TMEM178A: variants seen among roughly 807,000 people sequenced by gnomAD.
TMEM178A encodes transmembrane protein 178.
TMEM178A carries 12 observed loss-of-function variants against 29.1 expected under a neutral mutation model. The ratio of observed to expected loss-of-function variants is 0.41; its 90% confidence interval spans 0.26 to 0.67. The LOEUF (loss-of-function observed/expected upper bound fraction) is 0.67. Among genes scored for constraint, TMEM178A ranks in the 30% least tolerant of loss-of-function variants. TMEM178A has a pLI of 0.29. For synonymous variants in TMEM178A, 210 were observed against 187.2 expected (o/e 1.12, Z -0.99); for missense variants, 366 against 419.1 (o/e 0.87, Z 1.11).
the TMEM178A span, among the ~76,000 whole-genome samples, chr2:39,729,726 A>T: frequency 6.6e-6 from 1 of 152,164 alleles, no homozygotes; most frequent in African/African-American, 2.4e-5. Context: ...AAACTATGCG[A>T]TGGAAGTCTT....
At chr2:39,674,901 T>C (rs536614586) in intron 1 of TMEM178A, among the ~76,000 whole-genome samples, 1 of 152,084 alleles carries the variant, frequency 6.6e-6, no homozygotes, top group African/African-American at 2.4e-5. Flanking sequence ...ACGCGTAGAA[T>C]AAAAAATTCA....
At chr2:39,732,293 G>C in the TMEM178A span, among the ~76,000 whole-genome samples, 7,834 of 152,182 alleles carry the variant, frequency 0.051, 690 homozygotes, top group African/African-American at 0.18. Flanking sequence ...TCTCCTTGGT[G>C]AACTGCTCAC....
At chr2:39,732,516 G>A in the TMEM178A span, among the ~76,000 whole-genome samples, 1 of 152,098 alleles carries the variant, frequency 6.6e-6, no homozygotes, top group Non-Finnish European at 1.5e-5. Flanking sequence ...CTTCAAGATG[G>A]GCAGCTTAGG....
chr2:39,732,439 C>T, the TMEM178A span, among the ~76,000 whole-genome samples: 3 of 152,088 alleles, frequency 2.0e-5, no homozygotes, highest in South Asian at 2.1e-4. Context: ...TGATATATAC[C>T]GCTCCCATCT....
intron 3 of TMEM178A, among the ~76,000 whole-genome samples, chr2:39,714,045 C>A (rs1023222971): frequency 7.9e-5 from 12 of 152,194 alleles, no homozygotes; most frequent in African/African-American, 2.2e-4. Context: ...ATTGTGGTGG[C>A]AGCTATGCAT....
chr2:39,685,530 T>C (rs1409490641), intron 1 of TMEM178A, among the ~76,000 whole-genome samples: 1 of 152,218 alleles, frequency 6.6e-6, no homozygotes, highest in Admixed American at 6.5e-5. Context: ...ATTCATTTTA[T>C]AGGTAGGATT....
intron 3 of TMEM178A, among the ~76,000 whole-genome samples, chr2:39,713,893 A>AT (rs755265376): frequency 1.3e-5 from 2 of 152,078 alleles, no homozygotes; most frequent in Non-Finnish European, 2.9e-5. Context: ...TGAATTTAGG[A>AT]TTTTTTGTTT....
intron 1 of TMEM178A, among the ~76,000 whole-genome samples, chr2:39,702,670 A>C (rs1671835623): frequency 6.6e-6 from 1 of 151,300 alleles, no homozygotes; most frequent in Non-Finnish European, 1.5e-5. Context: ...TTGAAAAAAC[A>C]AATTAAAAAA....
chr2:39,697,935 A>G (rs935719002), intron 1 of TMEM178A: 3 of 152,226 alleles, frequency 2.0e-5, no homozygotes, highest in African/African-American at 4.8e-5. Context: ...CTGAGAAAAT[A>G]GTTTCTCCCC....
Position 39,717,402 on chromosome 2 carries a change from C to T in TMEM178A, c.*151C>T. 3 of 1,144,742 alleles carry T rather than the reference C, an allele frequency of 2.6e-6. No individual in the cohort carries two copies. The highest frequency in any genetic ancestry group is 3.6e-6 in the Non-Finnish European group (3 of 834,138). The allele number at this position is 1,144,742 out of a possible 1,614,324, so 70.9% of individuals were successfully genotyped here. A position where few individuals can be genotyped will look rare whatever the true frequency, so the allele number is the denominator to read the frequency against. ...CTGATAGAAAATCATGCAAAACCTC[C>T]CAACCTTTCTAAGGACAAGACTACT... On this transcript the variant is annotated 3_prime_UTR_variant, in exon 4 of 4. Coordinates refer to ENST00000281961, the MANE Select transcript of TMEM178A (RefSeq NM_152390.3).
At chr2:39,691,983 TAAAAAAGAAGG>T (rs1352009626) in intron 1 of TMEM178A, among the ~76,000 whole-genome samples, 2 of 151,962 alleles carry the variant, frequency 1.3e-5, no homozygotes, top group Non-Finnish European at 2.9e-5. Context: ...AATTCAGCCT[TAAAAAAGAAGG>T]AAATGCTGTC....
chr2:39,734,637 TCTAG>T, the TMEM178A span, among the ~76,000 whole-genome samples: 1 of 152,250 alleles, frequency 6.6e-6, no homozygotes, highest in African/African-American at 2.4e-5. Flanking sequence ...TCTAAAACTG[TCTAG>T]CAAGCAAGTC....
chr2:39,681,192 T>C (rs867794003), intron 1 of TMEM178A, among the ~76,000 whole-genome samples: 4 of 152,234 alleles, frequency 2.6e-5, no homozygotes, highest in Non-Finnish European at 5.9e-5. Context: ...ATGATTATAA[T>C]GGCAGATCTG....
chr2:39,733,210 G>C, the TMEM178A span, among the ~76,000 whole-genome samples: 1 of 152,168 alleles, frequency 6.6e-6, no homozygotes, highest in African/African-American at 2.4e-5. Flanking sequence ...TCCAGCATCT[G>C]CTCCCACTTA....
downstream of TMEM178A, among the ~76,000 whole-genome samples, chr2:39,719,220 T>C (rs968215625): frequency 1.3e-5 from 2 of 152,248 alleles, no homozygotes; most frequent in African/African-American, 4.8e-5. Context: ...AGCTCTTTCT[T>C]TGAAGTCTTC....
In TMEM178A at chr2:39,707,443, C is replaced by T. The variant is rs571816416; in HGVS notation, c.652+257C>T. 1.0e-3 allele frequency among the ~76,000 whole-genome samples: 152 copies of T among 152,080 alleles called. 1 individual carries two copies. The highest frequency in any genetic ancestry group is 3.4e-3 in the African/African-American group (142 of 41,494). On this transcript the variant is annotated intron_variant, in intron 3 of 3. Coordinates refer to ENST00000281961, the MANE Select transcript of TMEM178A (RefSeq NM_152390.3). ...TCTTGGGTTTAATCTCTATATGAGC[C>T]CAGTCTGTTTTTTTGCTGTACTTTC...
At chr2:39,714,637 A>C (rs2540234) in intron 3 of TMEM178A, among the ~76,000 whole-genome samples, 12,523 of 152,254 alleles carry the variant, frequency 0.082, 943 homozygotes, top group African/African-American at 0.2. Context: ...AAAAGCACAA[A>C]CATCCATGAC....
chr2:39,722,537 T>C (rs1008356630), downstream of TMEM178A, among the ~76,000 whole-genome samples: 7 of 152,118 alleles, frequency 4.6e-5, no homozygotes, highest in African/African-American at 9.7e-5. Flanking sequence ...GACCTGAAGA[T>C]AGTATTCAGT....
At chr2:39,665,818 C>A (rs1435540967), upstream of TMEM178A, 6 of 649,338 alleles carry the variant, frequency 9.2e-6, 1 homozygote, top group South Asian at 1.3e-4. Flanking sequence ...GGAGAGGGAG[C>A]GAGCCGGGCC....
Sources: gnomAD v4.1 joint callset for allele counts (sites outside exome capture counted in the v4.1 genomes callset) on GRCh38, gnomAD v4.1.1 for gene constraint, MANE v1.5 for transcripts, NCBI Gene and HGNC (gene_info 2026-07-23, HGNC 2026-07-21) for gene names.